RRP1: variants seen among roughly 807,000 people sequenced by gnomAD.
The protein encoded by RRP1 is ribosomal RNA processing protein 1 homolog A.
A neutral mutation model predicts 54.6 loss-of-function variants in RRP1; 37 were observed. The ratio of observed to expected loss-of-function variants is 0.68; its 90% CI spans 0.52 to 0.89. RRP1 has a LOEUF of 0.89. Among genes scored for constraint, RRP1 ranks in the 40% least tolerant of loss-of-function variants. RRP1 has a pLI of 0.00. For synonymous variants in RRP1, 262 were observed against 244.3 expected, an observed-to-expected ratio of 1.07 and a Z score of -0.67; for missense variants, 639 against 612.5, an observed-to-expected ratio of 1.04 and a Z score of -0.46.
At chr21:43,803,360 GC>G (rs1053872864) in intron 12 of RRP1, 151 bp from the exon 13 acceptor site, 1 of 1,076,996 alleles carries the variant, frequency 9.3e-7, no homozygotes, top group Non-Finnish European at 1.3e-6. Context: ...GGAGCTTGGC[GC>G]CCACACTGGA....
chr21:43,802,620 C>CG, intron 12 of RRP1: 1 of 520,980 alleles, frequency 1.9e-6, no homozygotes, highest in Non-Finnish European at 3.5e-6. Context: ...GAGCTGTGTG[C>CG]GCTGCCCTCC....
rs765887994 is a variant in RRP1, at chr21:43,789,580, G to A, written c.-50G>A. On this transcript the variant is annotated 5_prime_UTR_variant, in exon 1 of 13. It adds an upstream start codon to the 5' untranslated region. Transcript: ENST00000497547. ...CGGGCGCAGGAGGCGCGTGCTCAGT[G>A]TGCTGGGTACCAGGCGACTCCGGGA... 4 of 1,556,624 alleles carry A rather than the reference G, an allele frequency of 2.6e-6. No homozygotes were observed. Among genetic ancestry groups the A allele is most frequent in the Non-Finnish European group, 3.5e-6 (4 of 1,154,680 alleles).
intron 2 of RRP1, 49 bp from the exon 3 acceptor site, chr21:43,792,623 G>C (rs763073490): frequency 5.0e-6 from 8 of 1,591,086 alleles, no homozygotes; most frequent in Middle Eastern, 1.7e-4. Context: ...GTCATTGTGA[G>C]AGCCTGGTGC....
chr21:43,794,923 C>G (rs2085001883), intron 4 of RRP1, among the ~76,000 whole-genome samples: 1 of 151,510 alleles, frequency 6.6e-6, no homozygotes, highest in Admixed American at 6.6e-5. Flanking sequence ...CCCTATTACC[C>G]CCGACCCCCC....
At chr21:43,798,919 C>G (rs1173939124) in intron 8 of RRP1, among the ~76,000 whole-genome samples, 1 of 151,696 alleles carries the variant, frequency 6.6e-6, no homozygotes, top group Non-Finnish European at 1.5e-5. Flanking sequence ...CCCACCGCCC[C>G]CAGCACTTGG....
At chr21:43,795,362 C>T (rs1263074005) in intron 5 of RRP1, 112 bp downstream of exon 5, 2 of 972,562 alleles carry the variant, frequency 2.1e-6, no homozygotes, top group African/African-American at 3.2e-5. Flanking sequence ...TTAACGCATG[C>T]CCCCAATCGT....
intron 8 of RRP1, among the ~76,000 whole-genome samples, chr21:43,798,993 G>T (rs1197034333): frequency 2.6e-5 from 4 of 151,282 alleles, no homozygotes; most frequent in Admixed American, 2.0e-4. Flanking sequence ...TAGCTGAGGT[G>T]CCTGGCAGGT....
intron 11 of RRP1, 61 bp from the exon 12 acceptor site, chr21:43,802,213 G>C (rs776307888): frequency 3.3e-6 from 4 of 1,223,482 alleles, no homozygotes; most frequent in Non-Finnish European, 4.8e-6. Flanking sequence ...TGGAAGCAGC[G>C]AGCCTCAAAC....
chr21:43,802,346 C>A lies in RRP1; in HGVS notation c.1082C>A (p.Thr361Lys). The part of the protein sequence containing the change: ...RLLEGRRQKK[T>K]KKQKRLLRLQ... ...CTTGAAGGGAGGCGGCAGAAGAAGACGAAGAAGCAGAAGCGTCTGCTCAGG... is the reference window on the plus strand; with the variant it reads ...CTTGAAGGGAGGCGGCAGAAGAAGAAGAAGAAGCAGAAGCGTCTGCTCAGG... Residue 361 changes from threonine (T) to lysine (K), a missense_variant, in exon 12 of 13, where the codon ACG becomes AAG. Thr to Lys is a moderately conservative substitution (Grantham distance 78). Coordinates refer to ENST00000497547, the MANE Select transcript of RRP1 (RefSeq NM_003683.6). 2.5e-6 allele frequency: 4 copies of A among 1,613,944 alleles called. No homozygotes were observed. Among genetic ancestry groups the A allele is most frequent in the Non-Finnish European group, 3.4e-6 (4 of 1,179,982 alleles).
rs1435552444 is a variant in RRP1, at chr21:43,804,076, TAA to T, written c.*305_*306del. On this transcript the variant is annotated 3_prime_UTR_variant, in exon 13 of 13. Transcript: ENST00000497547. The surrounding 1 kb of genome is among the most constrained non-coding windows in gnomAD (Gnocchi z 4.3). ...CCCCTGCTGTGGGGGGTTCAGAAAA[TAA>T]AATGCCGCGCAGCCCTTGCCAGGGG... 3.1e-6 allele frequency: 1 copy of T among 324,656 alleles called. No individual in the cohort carries two copies. The highest frequency in any genetic ancestry group is 5.3e-6 in the Non-Finnish European group (1 of 189,314). The allele number at this position is 324,656 out of a possible 1,614,324, so 20.1% of individuals were successfully genotyped here.
intron 8 of RRP1, 26 bp from the exon 9 acceptor site, chr21:43,799,544 G>A: frequency 6.3e-7 from 1 of 1,584,952 alleles, no homozygotes; most frequent in East Asian, 2.3e-5. Context: ...GCACAGGTAG[G>A]GTTCACGGGG....
chr21:43,793,551 G>T, intron 4 of RRP1, 147 bp downstream of exon 4: 1 of 648,346 alleles, frequency 1.5e-6, no homozygotes, highest in South Asian at 1.8e-5. Flanking sequence ...GAGACTCTGG[G>T]CGGTCCCTGA....
At chr21:43,793,499 T>C (rs962578724) in intron 4 of RRP1, 95 bp downstream of exon 4, 9 of 1,046,434 alleles carry the variant, frequency 8.6e-6, no homozygotes, top group Admixed American at 1.9e-5. Flanking sequence ...GGAGGCAACC[T>C]GAGGCAGTGC....
rs761288588 is a variant in RRP1, at chr21:43,803,801, A to G, written c.*27A>G. On this transcript the variant is annotated 3_prime_UTR_variant, in exon 13 of 13. Transcript: ENST00000497547. ...GTGGCCGGGCCAAGGACAGGCAGGG[A>G]GGGAGGCCAGGCCTCGCTTGCACCG... 6 of 1,542,664 alleles carry G rather than the reference A, an allele frequency of 3.9e-6. No individual in the cohort carries two copies. The East Asian group carries it at 1.2e-4, about 30-fold the overall frequency.
intron 10 of RRP1, 117 bp from the exon 11 acceptor site, chr21:43,800,745 A>AC (rs3216106): frequency 0.43 from 653,597 of 1,516,978 alleles, 151,749 homozygotes; most frequent in African/African-American, 0.72. Context: ...GGACCCTGAG[A>AC]CCGTCCCCAG....
rs983660138 is a variant in RRP1, at chr21:43,789,788, G to T, written c.133+26G>T. Reference sequence around the variant, plus strand: ...GTTGGCGGGGGTGTGGGCGGCTGGCGTCTCGGGGGCCGGCTGGGCTGGTGC... The same window carrying T: ...GTTGGCGGGGGTGTGGGCGGCTGGCTTCTCGGGGGCCGGCTGGGCTGGTGC... On this transcript the variant is annotated intron_variant, in intron 1 of 12. Transcript: ENST00000497547. 6.7e-6 allele frequency: 10 copies of T among 1,493,234 alleles called. No individual in the cohort carries two copies. In the East Asian group the frequency reaches 1.4e-4, roughly 21 times the overall value. The allele number at this position is 1,493,234 out of a possible 1,614,324, so 92.5% of individuals were successfully genotyped here.
chr21:43,792,365 C>T (rs550013210), intron 2 of RRP1, among the ~76,000 whole-genome samples: 4 of 152,330 alleles, frequency 2.6e-5, no homozygotes, highest in South Asian at 2.1e-4. Flanking sequence ...CCTCTTTAAC[C>T]GTGACTCTGT....
intron 11 of RRP1, 117 bp downstream of exon 11, chr21:43,800,998 T>C: frequency 8.8e-7 from 1 of 1,140,622 alleles, no homozygotes; most frequent in East Asian, 2.3e-5. Context: ...CAGAGAGGCC[T>C]GGTGGTGTTT....
intron 9 of RRP1, 138 bp downstream of exon 9, chr21:43,799,787 T>C: frequency 1.2e-6 from 1 of 801,634 alleles, no homozygotes. Context: ...GGGTTAGCTT[T>C]GAAGGAGGGA....
Sources: gnomAD v4.1 joint callset for allele counts (sites outside exome capture counted in the v4.1 genomes callset) on GRCh38, gnomAD v4.1.1 for gene constraint, Gnocchi (gnomAD v3.1) non-coding constraint, MANE v1.5 for transcripts, NCBI Gene and HGNC (gene_info 2026-07-23, HGNC 2026-07-21) for gene names.